Variants in KCNQ2 observed in about 807,000 individuals in gnomAD.
KCNQ2 encodes the protein potassium voltage-gated channel subfamily KQT member 2.
In KCNQ2, 14 loss-of-function variants were observed where a neutral mutation model predicts 84.8. The observed-to-expected ratio is 0.17, with a 90% CI of 0.11 to 0.26. KCNQ2 has a LOEUF of 0.26. Ranked by LOEUF, KCNQ2 falls within the 10% of genes least tolerant of loss-of-function variation. The pLI is 1.00. For synonymous variants in KCNQ2, 599 were observed against 554.1 expected (o/e 1.08, Z -1.14); for missense variants, 788 against 1,254.0 (o/e 0.63, Z 5.61).
intron 15 of KCNQ2, chr20:63,410,015 G>T (rs1441232332): frequency 3.5e-6 from 1 of 283,736 alleles, no homozygotes; most frequent in Non-Finnish European, 6.9e-6. Flanking sequence ...TCTTTCTGTT[G>T]CGAGAAACAG....
intron 1 of KCNQ2, among the ~76,000 whole-genome samples, chr20:63,468,906 C>T (rs1399090466): frequency 6.6e-6 from 1 of 152,250 alleles, no homozygotes; most frequent in Non-Finnish European, 1.5e-5. Flanking sequence ...CTGGAGCTCA[C>T]TCAACCTTCC....
chr20:63,410,023 C>G (rs1209828121), intron 15 of KCNQ2: 11 of 281,512 alleles, frequency 3.9e-5, no homozygotes, highest in Non-Finnish European at 6.2e-5. Flanking sequence ...TTGCGAGAAA[C>G]AGAGAGGGTT....
At chr20:63,415,390 G>A (rs1233168183) in intron 12 of KCNQ2, among the ~76,000 whole-genome samples, 7 of 114,460 alleles carry the variant, frequency 6.1e-5, no homozygotes, top group Admixed American at 4.3e-4. Context: ...AGCACCCGGC[G>A]GGAGGGAGGG....
rs575759889 is a variant in KCNQ2 at position 63,414,281 on chromosome 20, C to T, written c.1526-88G>A. 1.5e-3 allele frequency: 1,502 copies of T among 971,516 alleles called. 1 individual carries two copies. The highest frequency in any genetic ancestry group is 2.1e-3 in the Non-Finnish European group (1,305 of 612,100). 60.2% of individuals were successfully genotyped at this position (971,516 alleles called of 1,614,324 possible). A position where few individuals can be genotyped will look rare whatever the true frequency, so the allele number is the denominator to read the frequency against. ...TGCAGGGCACACCGGCTAGACAGAG[C>T]GCCAGGGAGCCCCTCGAGGCTCCCT... On this transcript the variant is annotated intron_variant, in intron 13 of 16. Transcript: ENST00000359125. This position sits in a 1 kb window ranked among gnomAD's most constrained non-coding sequence, Gnocchi z 6.6.
intron 1 of KCNQ2, chr20:63,463,645 A>C (rs2082011718): frequency 6.6e-6 from 1 of 152,212 alleles, no homozygotes; most frequent in Non-Finnish European, 1.5e-5. Context: ...CTCCCAGGAC[A>C]GGGAGCCAGG....
chr20:63,445,251 C>G lies in KCNQ2; in HGVS notation c.501G>C (p.Pro167=). The change falls in exon 3 of 17, where the codon CCG becomes CCC. Residue 167 remains proline, a synonymous_variant. Coordinates refer to ENST00000359125, the MANE Select transcript of KCNQ2 (RefSeq NM_172107.4). ...ACCAGGCCTCACCAATCACACAGAA[C>G]GGTTTCCGGGCAAACTTGAGCCGCC... is the stretch of plus-strand genomic sequence containing the variant. The part of the protein sequence containing the change: ...WRGRLKFARK[P]FCVIDIMVLI... 2 of 1,613,918 alleles carry G rather than the reference C, an allele frequency of 1.2e-6. No individual in the cohort carries two copies. Among genetic ancestry groups the G allele is most frequent in the Non-Finnish European group, 1.7e-6 (2 of 1,180,022 alleles).
intron 1 of KCNQ2, among the ~76,000 whole-genome samples, chr20:63,452,875 GC>G (rs1284892426): frequency 6.7e-6 from 1 of 150,090 alleles, no homozygotes; most frequent in African/African-American, 2.5e-5. Flanking sequence ...GAATGCCTCA[GC>G]CCGGGACGAC....
chr20:63,409,425 G>A (rs573566688), intron 15 of KCNQ2, among the ~76,000 whole-genome samples: 37 of 152,348 alleles, frequency 2.4e-4, no homozygotes, highest in Admixed American at 1.0e-3. Context: ...CCTCAGGGAC[G>A]GGGGCTTCTG....
At chr20:63,472,039 G>T in intron 1 of KCNQ2, 129 bp downstream of exon 1, 1 of 624,632 alleles carries the variant, frequency 1.6e-6, no homozygotes, top group Non-Finnish European at 2.6e-6. Context: ...GCCGGGGAGC[G>T]CCGGCCCCGG....
Position 63,407,454 on chromosome 20 carries a change from G to T in KCNQ2, c.1888-79C>A, listed in dbSNP as rs2079983616. 6.7e-7 allele frequency: 1 copy of T among 1,501,260 alleles called. No homozygotes were observed. Among genetic ancestry groups the T allele is most frequent in the South Asian group, 1.2e-5 (1 of 85,540 alleles). 93.0% of individuals were successfully genotyped at this position (1,501,260 alleles called of 1,614,324 possible). A position where few individuals can be genotyped will look rare whatever the true frequency, so the allele number is the denominator to read the frequency against. On this transcript the variant is annotated intron_variant, in intron 16 of 16. Coordinates refer to ENST00000359125, the MANE Select transcript of KCNQ2 (RefSeq NM_172107.4). This position sits in a 1 kb window ranked among gnomAD's most constrained non-coding sequence, Gnocchi z 7.2. The stretch of plus-strand genomic sequence containing the variant: ...GGACCCAGGCTGCTCCCAGGAAATG[G>T]GGGGGCCCAGGCTGGTTCCAGGAAA...
chr20:63,438,427 T>C lies in KCNQ2; in HGVS notation c.1023+198A>G, dbSNP rs2145710658. The C allele has an allele frequency of 1.6e-6, 1 of 642,538 alleles. No homozygotes were observed. Among genetic ancestry groups the C allele is most frequent in the Non-Finnish European group, 2.8e-6 (1 of 354,502 alleles). The allele number at this position is 642,538 out of a possible 1,614,324, so 39.8% of individuals were successfully genotyped here. On this transcript the variant is annotated intron_variant, in intron 7 of 16. Coordinates refer to ENST00000359125, the MANE Select transcript of KCNQ2 (RefSeq NM_172107.4). The surrounding 1 kb of genome is among the most constrained non-coding windows in gnomAD (Gnocchi z 5.1). Reference sequence around the variant, plus strand: ...CCAGCGTCCTCACACGAGCCACCCCTGTGCAGCCTCAGGGGTTGGAGCCAT... The same window carrying C: ...CCAGCGTCCTCACACGAGCCACCCCCGTGCAGCCTCAGGGGTTGGAGCCAT...
Position 63,402,787 on chromosome 20 carries a change from A to G in KCNQ2, c.*3857T>C, listed in dbSNP as rs2079836199. ...GGGGGCTTGAGACGAGGCCCCCCAA[A>G]AGGTAGGGGCATCGCTGAGGGGCAG... is the stretch of plus-strand genomic sequence containing the variant. On this transcript the variant is annotated 3_prime_UTR_variant, in exon 17 of 17. Transcript: ENST00000359125. The G allele has an allele frequency of 6.6e-6, 1 of 152,334 alleles. No individual in the cohort carries two copies. The highest frequency in any genetic ancestry group is 2.1e-4 in the South Asian group (1 of 4,836). The allele number at this position is 152,334 out of a possible 1,614,324, so 9.4% of individuals were successfully genotyped here.
Position 63,455,284 on chromosome 20 carries a change from A to G in KCNQ2, c.297-8447T>C, listed in dbSNP as rs546848928. Among the ~76,000 whole-genome samples, 47 of 152,310 alleles carry G rather than the reference A, an allele frequency of 3.1e-4. No individual in the cohort carries two copies. In the South Asian group the frequency reaches 9.1e-3, roughly 29 times the overall value. On this transcript the variant is annotated intron_variant, in intron 1 of 16. Coordinates refer to ENST00000359125, the MANE Select transcript of KCNQ2 (RefSeq NM_172107.4). ...CCCTGGCAGCCGTTGCCAAGGAGAT[A>G]AGGCAAGTAGCTGGTCCCCAGCCCC...
chr20:63,422,014 A>G (rs1002628633), intron 11 of KCNQ2, among the ~76,000 whole-genome samples: 6 of 152,120 alleles, frequency 3.9e-5, no homozygotes, highest in African/African-American at 1.4e-4. Context: ...GGGTCTCAGC[A>G]GTGAGTGAGG....
At chr20:63,456,366 C>T (rs2081797154) in intron 1 of KCNQ2, among the ~76,000 whole-genome samples, 1 of 152,232 alleles carries the variant, frequency 6.6e-6, no homozygotes, top group Non-Finnish European at 1.5e-5. Flanking sequence ...GTCAGTCCCA[C>T]AGCCAGCCCC....
chr20:63,445,819 G>GGACCCTGTCTGAGCTGGGA (rs2081403652), intron 2 of KCNQ2, among the ~76,000 whole-genome samples: 2 of 43,156 alleles, frequency 4.6e-5, no homozygotes, highest in Non-Finnish European at 5.3e-5. Context: ...CTGAGCTGGG[G>GGACCCTGTCTGAGCTGGGA]GACCCTGTCT....
intron 8 of KCNQ2, among the ~76,000 whole-genome samples, chr20:63,432,891 C>CCCACCCCCAGGGAAGGAT (rs2080870495): frequency 6.6e-6 from 1 of 151,538 alleles, no homozygotes. Context: ...CAGGGAAGGC[C>CCCACCCCCAGGGAAGGAT]CCACCCTTAG....
chr20:63,406,697 C>A lies in KCNQ2; in HGVS notation c.2566G>T (p.Ala856Ser), dbSNP rs1280612355. Residue 856 changes from alanine to serine, a missense_variant, in exon 17 of 17, where the codon GCC becomes TCC. Ala to Ser is a moderately conservative substitution (Grantham distance 99). This residue lies in a region of KCNQ2 where 378 missense variants were observed against 434.5 expected (regional missense o/e 0.87). Coordinates refer to ENST00000359125, the MANE Select transcript of KCNQ2 (RefSeq NM_172107.4). Reference sequence around the variant, plus strand: ...TCACCAAAGGGACCCTCGCCGGTGGCCGAGCGTGGCGGGGGCCCGCACGGG... The same window carrying A: ...TCACCAAAGGGACCCTCGCCGGTGGACGAGCGTGGCGGGGGCCCGCACGGG... ...CTPCGPPPRS[A>S]TGEGPFGDVG... The A allele has an allele frequency of 1.2e-6, 2 of 1,606,804 alleles. No homozygotes were observed. Among genetic ancestry groups the A allele is most frequent in the South Asian group, 1.1e-5 (1 of 90,480 alleles).
chr20:63,417,791 G>A (rs898364071), intron 12 of KCNQ2, among the ~76,000 whole-genome samples: 11 of 152,172 alleles, frequency 7.2e-5, no homozygotes, highest in South Asian at 6.2e-4. Context: ...GGGACCCCCC[G>A]CTGACCACGA....
Sources: allele counts gnomAD v4.1 joint callset (sites outside exome capture counted in the v4.1 genomes callset), GRCh38; gene constraint gnomAD v4.1.1; regional missense constraint gnomAD v4.1.1; non-coding constraint Gnocchi (gnomAD v3.1); transcripts MANE v1.5; gene names NCBI Gene and HGNC (gene_info 2026-07-23, HGNC 2026-07-21).